PTPRD: variants seen among roughly 807,000 people sequenced by gnomAD.
PTPRD encodes receptor-type tyrosine-protein phosphatase delta.
A neutral mutation model predicts 214.5 loss-of-function variants in PTPRD; 34 were observed. The ratio of observed to expected loss-of-function variants is 0.16; its 90% CI spans 0.12 to 0.21. PTPRD has a LOEUF of 0.21. Among genes scored for constraint, PTPRD ranks in the 10% least tolerant of loss-of-function variants. The pLI, the probability that PTPRD is intolerant of heterozygous loss-of-function variation, is 1.00. For missense variants in PTPRD, 2,545 were observed against 2,398.7 expected, an observed-to-expected ratio of 1.06 and a Z score of -1.27; for synonymous variants, 1,128 against 845.7, an observed-to-expected ratio of 1.33 and a Z score of -5.79.
intron 8 of PTPRD, among the ~76,000 whole-genome samples, chr9:9,512,692 T>G (rs1324369043): frequency 6.6e-6 from 1 of 151,808 alleles, no homozygotes; most frequent in African/African-American, 2.4e-5. Flanking sequence ...CATGAGTTTC[T>G]TTTGTTCCTC....
At chr9:8,879,071 A>G (rs2098419915) in intron 11 of PTPRD, among the ~76,000 whole-genome samples, 1 of 152,196 alleles carries the variant, frequency 6.6e-6, no homozygotes, top group African/African-American at 2.4e-5. Context: ...AGTAGGCCTA[A>G]GTTACACGCA....
rs7849905 is a variant in PTPRD, at chr9:10,173,993, T to C, written c.-544-140203A>G. ...TGTGCAGAAATAAATGCCAGCCATATGTGTATGCATATACAATTAAGTAAT... is the reference window on the plus strand; with the variant it reads ...TGTGCAGAAATAAATGCCAGCCATACGTGTATGCATATACAATTAAGTAAT... On this transcript the variant is annotated intron_variant, in intron 3 of 45. Coordinates refer to ENST00000381196, the MANE Select transcript of PTPRD (RefSeq NM_002839.4). 4.5e-3 allele frequency among the ~76,000 whole-genome samples: 687 copies of C among 152,258 alleles called. 5 individuals are homozygous for C. Among genetic ancestry groups the C allele is most frequent in the African/African-American group, 0.016 (650 of 41,542 alleles).
At chr9:8,628,476 C>T (rs1010101414) in intron 14 of PTPRD, among the ~76,000 whole-genome samples, 1 of 151,726 alleles carries the variant, frequency 6.6e-6, no homozygotes, top group Non-Finnish European at 1.5e-5. Context: ...GTAACAGTCA[C>T]CTTCAGGGAG....
chr9:9,664,177 T>C (rs188064543), intron 7 of PTPRD, among the ~76,000 whole-genome samples: 38 of 150,916 alleles, frequency 2.5e-4, no homozygotes, highest in Admixed American at 2.5e-3. Context: ...AGCCTGGCTT[T>C]AAAATTAAAA....
chr9:9,818,566 A>C (rs1272692153), intron 5 of PTPRD, among the ~76,000 whole-genome samples: 2 of 152,130 alleles, frequency 1.3e-5, no homozygotes, highest in Admixed American at 1.3e-4. Context: ...CGATTTAGGA[A>C]AACTACATTG....
intron 3 of PTPRD, among the ~76,000 whole-genome samples, chr9:10,221,340 C>T (rs1302740060): frequency 2.6e-5 from 4 of 151,876 alleles, no homozygotes; most frequent in Middle Eastern, 3.4e-3. Flanking sequence ...TCTGCATACT[C>T]GATATCATTT....
At chr9:9,295,570 G>C (rs1487759695) in intron 9 of PTPRD, among the ~76,000 whole-genome samples, 1 of 151,716 alleles carries the variant, frequency 6.6e-6, no homozygotes, top group Non-Finnish European at 1.5e-5. Flanking sequence ...ATAATGAAGA[G>C]AGATTTTTAA....
intron 9 of PTPRD, among the ~76,000 whole-genome samples, chr9:9,317,114 T>G (rs1963660858): frequency 6.6e-6 from 1 of 152,198 alleles, no homozygotes; most frequent in Admixed American, 6.5e-5. Flanking sequence ...ATGTTTTACT[T>G]TCTACTGGTT....
chr9:9,389,819 G>T (rs754242788), intron 9 of PTPRD, among the ~76,000 whole-genome samples: 10 of 152,138 alleles, frequency 6.6e-5, no homozygotes, highest in Non-Finnish European at 1.2e-4. Flanking sequence ...TTCACTCTGT[G>T]CCAGAGCCTG....
rs549553551 is a variant in PTPRD, at chr9:9,261,969, T to C, written c.-202-78606A>G. ...TGCAGATAAAGGAAAGGAAATCATA[T>C]ACTAAAGGAGGAGGATAACTTTAAA... is the stretch of plus-strand genomic sequence containing the variant. On this transcript the variant is annotated intron_variant, in intron 9 of 45. Transcript: ENST00000381196. 2.0e-4 allele frequency among the ~76,000 whole-genome samples: 31 copies of C among 151,844 alleles called. No homozygotes were observed. In the South Asian group the frequency reaches 5.2e-3, roughly 25 times the overall value.
intron 14 of PTPRD, among the ~76,000 whole-genome samples, chr9:8,589,603 A>G (rs1463730584): frequency 6.6e-6 from 1 of 152,180 alleles, no homozygotes; most frequent in African/African-American, 2.4e-5. Flanking sequence ...CTTAAAAACT[A>G]GAACATGGAG....
rs1379057561 is a variant in PTPRD, at chr9:9,248,214, T to C, written c.-202-64851A>G. Among the ~76,000 whole-genome samples the C allele has an allele frequency of 3.9e-5, 6 of 152,116 alleles. No individual in the cohort carries two copies. The East Asian group carries it at 9.7e-4, about 25-fold the overall frequency. On this transcript the variant is annotated intron_variant, in intron 9 of 45. Coordinates refer to ENST00000381196, the MANE Select transcript of PTPRD (RefSeq NM_002839.4). ...TTCAAGTGATTCTCCTGCCTAAGCC[T>C]CCCGAGCAGCTGGGATTACAGGCGC...
chr9:9,641,841 C>T (rs2095968825), intron 7 of PTPRD, among the ~76,000 whole-genome samples: 2 of 152,052 alleles, frequency 1.3e-5, no homozygotes, highest in African/African-American at 4.8e-5. Flanking sequence ...AGGGTAATCA[C>T]CCTAGCACCT....
At chr9:9,274,724 T>G (rs998964645) in intron 9 of PTPRD, among the ~76,000 whole-genome samples, 7 of 151,070 alleles carry the variant, frequency 4.6e-5, no homozygotes, top group Admixed American at 3.3e-4. Flanking sequence ...ATTGGTGTCT[T>G]AAAATACATA....
rs577273116 is a variant in PTPRD at position 10,037,869 on chromosome 9, T to G, written c.-544-4079A>C. ...AAAAATGAAACAAATGAAGCTCTTA[T>G]AGGCTTTGCATCCTACATAGTTATT... On this transcript the variant is annotated intron_variant, in intron 3 of 45. Coordinates refer to ENST00000381196, the MANE Select transcript of PTPRD (RefSeq NM_002839.4). 1.3e-3 allele frequency among the ~76,000 whole-genome samples: 203 copies of G among 152,328 alleles called. 1 individual carries two copies. The highest frequency in any genetic ancestry group is 4.4e-3 in the African/African-American group (184 of 41,588).
rs115499766 is a variant in PTPRD at position 10,416,570 on chromosome 9, T to A, written c.-599-75553A>T. Among the ~76,000 whole-genome samples the A allele has an allele frequency of 5.3e-3, 799 of 151,980 alleles. 5 individuals carry two copies. Among genetic ancestry groups the A allele is most frequent in the African/African-American group, 0.018 (743 of 41,520 alleles). Reference sequence around the variant, plus strand: ...AAGCGATGAGAAAAAGAACAGCTTATGAGAAAACAAACAGTGAAAATTGTC... The same window carrying A: ...AAGCGATGAGAAAAAGAACAGCTTAAGAGAAAACAAACAGTGAAAATTGTC... On this transcript the variant is annotated intron_variant, in intron 2 of 45. Coordinates refer to ENST00000381196, the MANE Select transcript of PTPRD (RefSeq NM_002839.4).
intron 4 of PTPRD, among the ~76,000 whole-genome samples, chr9:9,997,485 T>G (rs1195441070): frequency 1.3e-5 from 2 of 152,020 alleles, no homozygotes; most frequent in Non-Finnish European, 2.9e-5. Flanking sequence ...GATGGGGTTT[T>G]TCCAAGTTGG....
intron 10 of PTPRD, among the ~76,000 whole-genome samples, chr9:9,041,902 A>C (rs2099641031): frequency 6.6e-6 from 1 of 152,226 alleles, no homozygotes; most frequent in Admixed American, 6.5e-5. Flanking sequence ...AATTATTTGA[A>C]CAAGAAGTCT....
At chr9:8,484,998 T>G (rs2096968323) in intron 29 of PTPRD, among the ~76,000 whole-genome samples, 1 of 152,192 alleles carries the variant, frequency 6.6e-6, no homozygotes, top group African/African-American at 2.4e-5. Context: ...AAGTAGTAGG[T>G]AACCTACAAG....
Sources: gnomAD v4.1 joint callset for allele counts (sites outside exome capture counted in the v4.1 genomes callset) on GRCh38, gnomAD v4.1.1 for gene constraint, MANE v1.5 for transcripts, NCBI Gene and HGNC (gene_info 2026-07-23, HGNC 2026-07-21) for gene names.